The following CNTNAP2 variants were observed in gnomAD, a reference collection of about 807,000 sequenced individuals.
The protein encoded by CNTNAP2 is contactin associated protein 2.
In CNTNAP2, 98 loss-of-function variants were observed where a neutral mutation model predicts 155.2. The observed-to-expected ratio is 0.63, with a 90% CI of 0.54 to 0.75. The LOEUF (loss-of-function observed/expected upper bound fraction) is 0.75, where lower values mean the gene tolerates loss of function less well. Ranked by LOEUF, CNTNAP2 falls within the 30% of genes least tolerant of loss-of-function variation. The probability of loss-of-function intolerance (pLI) is 0.00; values close to 1 mark genes in which losing one functional copy is unlikely to be tolerated. For missense variants in CNTNAP2, 1,727 were observed against 1,688.1 expected (o/e 1.02, Z -0.40); for synonymous variants, 651 against 631.2 (o/e 1.03, Z -0.47).
intron 15 of CNTNAP2, among the ~76,000 whole-genome samples, chr7:148,052,159 A>AAT (rs71188943): frequency 2.5e-4 from 38 of 151,398 alleles, no homozygotes; most frequent in African/African-American, 9.0e-4. Flanking sequence ...AAAAAAAAAA[A>AAT]GCCCTTGTAA....
chr7:147,120,336 C>A (rs1801077354), intron 5 of CNTNAP2, among the ~76,000 whole-genome samples: 1 of 152,006 alleles, frequency 6.6e-6, no homozygotes, highest in Non-Finnish European at 1.5e-5. Flanking sequence ...TATTATCTTC[C>A]CTATTGTATA....
At position 146,876,414 on chromosome 7, in the gene CNTNAP2, T is replaced by C. The variant is rs116739488; in HGVS notation, c.402+36510T>C. ...ATAGCTCCTCCGTAAAGAAAGCATA[T>C]TGTTCATATCATTGTGATTATGATT... is the stretch of plus-strand genomic sequence containing the variant. On this transcript the variant is annotated intron_variant, in intron 3 of 23. Coordinates refer to ENST00000361727, the MANE Select transcript of CNTNAP2 (RefSeq NM_014141.6). 9.6e-3 allele frequency among the ~76,000 whole-genome samples: 1,469 copies of C among 152,292 alleles called. 21 individuals carry two copies. Among genetic ancestry groups the C allele is most frequent in the African/African-American group, 0.033 (1,392 of 41,566 alleles).
intron 18 of CNTNAP2, among the ~76,000 whole-genome samples, chr7:148,214,905 A>G (rs1795610790): frequency 6.6e-6 from 1 of 152,178 alleles, no homozygotes; most frequent in African/African-American, 2.4e-5. Context: ...AGCCCCACAC[A>G]TTGCAGGACA....
At chr7:147,311,523 G>A (rs907826610) in intron 9 of CNTNAP2, among the ~76,000 whole-genome samples, 9 of 152,116 alleles carry the variant, frequency 5.9e-5, no homozygotes, top group African/African-American at 2.2e-4. Flanking sequence ...GGCCTCAGCT[G>A]GTAAGCATCT....
chr7:147,174,155 G>GT lies in CNTNAP2; in HGVS notation c.1348+41651dup, dbSNP rs1482140619. On this transcript the variant is annotated intron_variant, in intron 8 of 23. Transcript: ENST00000361727. ...ATATTAATAGCAGCATTATACTGTA[G>GT]TTTTTCTGTCTCAAAAACTGAATTT... Among the ~76,000 whole-genome samples the GT allele has an allele frequency of 3.3e-5, 5 of 152,144 alleles. No individual in the cohort carries two copies. In the East Asian group the frequency reaches 7.7e-4, roughly 23 times the overall value.
At chr7:148,273,451 T>C (rs1317135556) in intron 21 of CNTNAP2, among the ~76,000 whole-genome samples, 3 of 152,264 alleles carry the variant, frequency 2.0e-5, no homozygotes, top group Non-Finnish European at 4.4e-5. Context: ...ATACACGACC[T>C]GTTTCCAAGG....
intron 10 of CNTNAP2, among the ~76,000 whole-genome samples, chr7:147,420,223 G>C (rs1419991770): frequency 6.6e-6 from 1 of 152,180 alleles, no homozygotes; most frequent in African/African-American, 2.4e-5. Flanking sequence ...ATGTTGAAAT[G>C]CCATCTCTAT....
intron 13 of CNTNAP2, among the ~76,000 whole-genome samples, chr7:147,675,163 C>T (rs906242725): frequency 5.9e-5 from 9 of 152,050 alleles, no homozygotes; most frequent in Admixed American, 5.2e-4. Flanking sequence ...CTTTTATTGG[C>T]TTTTGGTGGT....
chr7:146,668,427 CCTGT>C (rs147182444), intron 1 of CNTNAP2, among the ~76,000 whole-genome samples: 1,940 of 101,198 alleles, frequency 0.019, 36 homozygotes, highest in African/African-American at 0.07. Flanking sequence ...CTGTAATTTT[CCTGT>C]GTGTGTGTGT....
At chr7:147,788,017 A>G (rs567457359) in intron 13 of CNTNAP2, among the ~76,000 whole-genome samples, 2 of 152,322 alleles carry the variant, frequency 1.3e-5, no homozygotes, top group African/African-American at 4.8e-5. Context: ...GACTGAGTTT[A>G]TAAGGTGGAC....
At chr7:146,130,895 G>A (rs780402622) in intron 1 of CNTNAP2, among the ~76,000 whole-genome samples, 10 of 152,104 alleles carry the variant, frequency 6.6e-5, no homozygotes, top group Non-Finnish European at 1.5e-4. Flanking sequence ...GATCTTGTGA[G>A]AATTCACTCA....
chr7:147,889,307 A>G (rs1425315794), intron 13 of CNTNAP2, among the ~76,000 whole-genome samples: 1 of 152,120 alleles, frequency 6.6e-6, no homozygotes, highest in Non-Finnish European at 1.5e-5. Flanking sequence ...AGTTATCACA[A>G]TAAATAGACT....
intron 3 of CNTNAP2, among the ~76,000 whole-genome samples, chr7:147,032,157 T>C (rs1799047343): frequency 6.6e-6 from 1 of 152,202 alleles, no homozygotes; most frequent in African/African-American, 2.4e-5. Context: ...ATCATTCTTT[T>C]TAAAAAAATG....
At chr7:148,062,956 G>C (rs1003208933) in intron 15 of CNTNAP2, among the ~76,000 whole-genome samples, 1 of 152,074 alleles carries the variant, frequency 6.6e-6, no homozygotes, top group African/African-American at 2.4e-5. Flanking sequence ...AATGAAAATG[G>C]AGATAATTAT....
At chr7:147,737,635 G>A (rs142587831) in intron 13 of CNTNAP2, among the ~76,000 whole-genome samples, 26,699 of 152,172 alleles carry the variant, frequency 0.18, 2,777 homozygotes, top group Middle Eastern at 0.38. Flanking sequence ...ACAGAGGCAG[G>A]CAGGCCTTCT....
intron 1 of CNTNAP2, among the ~76,000 whole-genome samples, chr7:146,495,363 C>G (rs955200512): frequency 1.3e-5 from 2 of 152,074 alleles, no homozygotes; most frequent in African/African-American, 4.8e-5. Flanking sequence ...AATAAAAATT[C>G]ATGATGTGGG....
chr7:146,295,474 A>T (rs181928982), intron 1 of CNTNAP2, among the ~76,000 whole-genome samples: 1 of 152,282 alleles, frequency 6.6e-6, no homozygotes, highest in East Asian at 1.9e-4. Flanking sequence ...TCTCAAATTT[A>T]GATTGAGAAT....
intron 1 of CNTNAP2, among the ~76,000 whole-genome samples, chr7:146,187,199 A>G (rs952926541): frequency 1.3e-5 from 2 of 152,172 alleles, no homozygotes; most frequent in African/African-American, 4.8e-5. Flanking sequence ...ATATCATCCC[A>G]CCCAACTCTG....
chr7:147,528,171 G>A (rs1415496632), intron 11 of CNTNAP2, among the ~76,000 whole-genome samples: 12 of 148,026 alleles, frequency 8.1e-5, no homozygotes, highest in African/African-American at 2.7e-4. Flanking sequence ...AGTTTCTGAG[G>A]TGGGAAGCTG....
Sources: gnomAD v4.1 joint callset for allele counts (sites outside exome capture counted in the v4.1 genomes callset) on GRCh38, gnomAD v4.1.1 for gene constraint, MANE v1.5 for transcripts, NCBI Gene and HGNC (gene_info 2026-07-23, HGNC 2026-07-21) for gene names.